VPS41: variants seen among roughly 807,000 people sequenced by gnomAD.
VPS41 encodes VPS41 subunit of HOPS complex.
In VPS41, 85 loss-of-function variants were observed where a neutral mutation model predicts 130.9. That is an observed-to-expected ratio of 0.65 (90% confidence interval 0.55 to 0.78). VPS41 has a LOEUF of 0.78. Among genes scored for constraint, VPS41 ranks in the 30% least tolerant of loss-of-function variants. VPS41 has a pLI of 0.00. For synonymous variants in VPS41, 335 were observed against 332.9 expected (o/e 1.01, Z -0.07); for missense variants, 874 against 1,018.7 (o/e 0.86, Z 1.93).
chr7:38,889,506 G>C (rs1584448031), intron 2 of VPS41, among the ~76,000 whole-genome samples: 1 of 131,458 alleles, frequency 7.6e-6, no homozygotes, highest in Admixed American at 7.8e-5. Context: ...TCAAAGAAAA[G>C]AATTGCCAAC....
In VPS41 at chr7:38,895,237, G is replaced by A. The variant is rs1036263838; in HGVS notation, c.60+2854C>T. Reference sequence around the variant, plus strand: ...CTCAGGAGCCTGAAGCATGAGAATCGCTTGAACCTGGGAGGTGGAGGTTGC... The same window carrying A: ...CTCAGGAGCCTGAAGCATGAGAATCACTTGAACCTGGGAGGTGGAGGTTGC... On this transcript the variant is annotated intron_variant, in intron 2 of 28. Transcript: ENST00000310301. 8.5e-5 allele frequency among the ~76,000 whole-genome samples: 13 copies of A among 152,084 alleles called. No individual in the cohort carries two copies. In the East Asian group the frequency reaches 1.7e-3, roughly 20 times the overall value.
chr7:38,850,643 G>T (rs375604843), intron 4 of VPS41, among the ~76,000 whole-genome samples: 11 of 151,980 alleles, frequency 7.2e-5, no homozygotes, highest in African/African-American at 2.7e-4. Flanking sequence ...ACTTGGTAGC[G>T]ACTTAATTCT....
intron 7 of VPS41, among the ~76,000 whole-genome samples, chr7:38,806,525 A>G (rs1355893845): frequency 6.6e-6 from 1 of 152,202 alleles, no homozygotes; most frequent in Non-Finnish European, 1.5e-5. Context: ...GATCTAAAAT[A>G]ATTGAGATTA....
Position 38,763,551 on chromosome 7 carries a change from G to A in VPS41, c.1330-4C>T. On this transcript the variant is annotated splice_polypyrimidine_tract_variant and splice_region_variant and intron_variant, in intron 16 of 28. Coordinates refer to ENST00000310301, the MANE Select transcript of VPS41 (RefSeq NM_014396.4). Reference sequence around the variant, plus strand: ...TTGGCAAATAAGGACTAATAGCCTAGGTAAGGAAAAGGGAAAAAAAAGTCC... The same window carrying A: ...TTGGCAAATAAGGACTAATAGCCTAAGTAAGGAAAAGGGAAAAAAAAGTCC... 1 of 1,574,326 alleles carries A rather than the reference G, an allele frequency of 6.4e-7. No homozygotes were observed. Among genetic ancestry groups the A allele is most frequent in the Non-Finnish European group, 8.6e-7 (1 of 1,163,764 alleles).
At chr7:38,735,743 A>G (rs1795749977) in intron 25 of VPS41, among the ~76,000 whole-genome samples, 1 of 152,218 alleles carries the variant, frequency 6.6e-6, no homozygotes, top group Non-Finnish European at 1.5e-5. Context: ...AAATGTGTTT[A>G]TAAGTCATCA....
At chr7:38,734,843 C>T (rs1795732410) in intron 25 of VPS41, among the ~76,000 whole-genome samples, 1 of 152,148 alleles carries the variant, frequency 6.6e-6, no homozygotes, top group Admixed American at 6.5e-5. Flanking sequence ...TTTAAAAGCC[C>T]CCAATATGAC....
In VPS41 at chr7:38,724,654, C is replaced by A; in HGVS notation, c.*1592G>T. The A allele has an allele frequency of 6.7e-6, 1 of 149,352 alleles. No individual in the cohort carries two copies. Among genetic ancestry groups the A allele is most frequent in the Non-Finnish European group, 1.5e-5 (1 of 68,662 alleles). 9.3% of individuals were successfully genotyped at this position (149,352 alleles called of 1,614,324 possible). A position where few individuals can be genotyped will look rare whatever the true frequency, so the allele number is the denominator to read the frequency against. On this transcript the variant is annotated 3_prime_UTR_variant, in exon 29 of 29. Coordinates refer to ENST00000310301, the MANE Select transcript of VPS41 (RefSeq NM_014396.4). ...TGTTGCCCAGGCTGGAGTGCAATGG[C>A]GCGATCTCAGCTCACCACAACCTAC...
At chr7:38,856,711 G>C (rs1252046843) in intron 4 of VPS41, among the ~76,000 whole-genome samples, 1 of 152,074 alleles carries the variant, frequency 6.6e-6, no homozygotes, top group East Asian at 1.9e-4. Flanking sequence ...ACTATGAGGG[G>C]CCACACTACA....
chr7:38,791,886 G>T (rs1231778886), intron 9 of VPS41, among the ~76,000 whole-genome samples: 2 of 152,156 alleles, frequency 1.3e-5, no homozygotes, highest in African/African-American at 2.4e-5. Flanking sequence ...TTGACAGGAA[G>T]ATGAAGTGCA....
chr7:38,779,598 T>C (rs896146830), intron 10 of VPS41, among the ~76,000 whole-genome samples: 1 of 152,206 alleles, frequency 6.6e-6, no homozygotes, highest in Non-Finnish European at 1.5e-5. Context: ...TAAGACATTT[T>C]AGAATAAATG....
chr7:38,772,386 T>C, intron 13 of VPS41, 136 bp downstream of exon 13: 1 of 578,480 alleles, frequency 1.7e-6, no homozygotes, highest in South Asian at 2.5e-5. Context: ...TACTAGAAAG[T>C]TATTAACTTC....
intron 25 of VPS41, among the ~76,000 whole-genome samples, chr7:38,731,011 A>G (rs1795653428): frequency 6.6e-6 from 1 of 152,226 alleles, no homozygotes. Flanking sequence ...ATTTTCTAGG[A>G]AAATTCATTA....
At chr7:38,901,869 CA>C (rs957819210) in intron 1 of VPS41, among the ~76,000 whole-genome samples, 2 of 150,222 alleles carry the variant, frequency 1.3e-5, no homozygotes, top group African/African-American at 4.9e-5. Flanking sequence ...CCTGTCTCTA[CA>C]AAAAAAAATG....
At chr7:38,890,625 C>T (rs549668128) in intron 2 of VPS41, among the ~76,000 whole-genome samples, 12 of 151,972 alleles carry the variant, frequency 7.9e-5, no homozygotes, top group South Asian at 2.1e-4. Flanking sequence ...ACTAGAGTTA[C>T]GTAAGATGTT....
At chr7:38,887,078 G>A (rs1333324169) in intron 2 of VPS41, among the ~76,000 whole-genome samples, 1 of 152,206 alleles carries the variant, frequency 6.6e-6, no homozygotes, top group African/African-American at 2.4e-5. Context: ...GGAGAAACCA[G>A]AGCAGAAAGG....
chr7:38,815,329 C>A (rs1232740701), intron 7 of VPS41, among the ~76,000 whole-genome samples: 1 of 152,058 alleles, frequency 6.6e-6, no homozygotes, highest in African/African-American at 2.4e-5. Context: ...GAGGCTGAGG[C>A]AGGAGAATTC....
chr7:38,790,029 T>G (rs1004276728), intron 9 of VPS41, among the ~76,000 whole-genome samples, 162 bp from the exon 10 acceptor site: 1 of 152,354 alleles, frequency 6.6e-6, no homozygotes, highest in South Asian at 2.1e-4. Context: ...AAATGACATA[T>G]AGCAATCACT....
At chr7:38,856,894 A>G (rs547154861) in intron 4 of VPS41, among the ~76,000 whole-genome samples, 1 of 152,358 alleles carries the variant, frequency 6.6e-6, no homozygotes, top group African/African-American at 2.4e-5. Flanking sequence ...GAAGGTAGTG[A>G]GCAGATAAAA....
At chr7:38,729,956 C>T (rs1047040558) in intron 25 of VPS41, among the ~76,000 whole-genome samples, 1 of 151,996 alleles carries the variant, frequency 6.6e-6, no homozygotes, top group Non-Finnish European at 1.5e-5. Flanking sequence ...CTTGTTGCTG[C>T]TTTTTCAGAG....
Sources: allele counts gnomAD v4.1 joint callset (sites outside exome capture counted in the v4.1 genomes callset), GRCh38; gene constraint gnomAD v4.1.1; transcripts MANE v1.5; gene names NCBI Gene and HGNC (gene_info 2026-07-23, HGNC 2026-07-21).